EIF4ENIF1: variants seen among roughly 807,000 people sequenced by gnomAD.
EIF4ENIF1 encodes eukaryotic translation initiation factor 4E transporter.
A neutral mutation model predicts 110.5 loss-of-function variants in EIF4ENIF1; 23 were observed. The ratio of observed to expected loss-of-function variants is 0.21; its 90% CI spans 0.15 to 0.29. The LOEUF is 0.29. Among genes scored for constraint, EIF4ENIF1 ranks in the 10% least tolerant of loss-of-function variants. The pLI is 1.00. For synonymous variants in EIF4ENIF1, 440 were observed against 437.0 expected, an observed-to-expected ratio of 1.01 and a Z score of -0.09; for missense variants, 1,031 against 1,221.1, an observed-to-expected ratio of 0.84 and a Z score of 2.32.
In EIF4ENIF1 at chr22:31,441,613, G is replaced by A. The variant is rs1035355596; in HGVS notation, c.2551+161C>T. Among the ~76,000 whole-genome samples the A allele has an allele frequency of 2.0e-5, 3 of 151,454 alleles. No homozygotes were observed. In the East Asian group the frequency reaches 5.8e-4, roughly 29 times the overall value. On this transcript the variant is annotated intron_variant, in intron 17 of 18. Transcript: ENST00000330125. ...GGTTCCTAATCTTTTAAAGGACTAG[G>A]GGATTGACTGGATTGGGCCCACTGC...
chr22:31,448,978 T>C (rs2050563009), intron 12 of EIF4ENIF1, among the ~76,000 whole-genome samples: 1 of 152,194 alleles, frequency 6.6e-6, no homozygotes, highest in African/African-American at 2.4e-5. Context: ...GCAGCTGGTA[T>C]CTTCCACGTT....
chr22:31,484,005 G>C (rs1319476835), intron 2 of EIF4ENIF1, among the ~76,000 whole-genome samples: 2 of 152,092 alleles, frequency 1.3e-5, no homozygotes, highest in Non-Finnish European at 2.9e-5. Flanking sequence ...AATATTCTTC[G>C]AAGCACAATG....
intron 1 of EIF4ENIF1, 108 bp downstream of exon 1, chr22:31,489,586 G>A (rs1339136329): frequency 7.7e-5 from 10 of 130,082 alleles, no homozygotes; most frequent in Non-Finnish European, 1.1e-4. Flanking sequence ...CCCGGCGCCC[G>A]CGCTCACGCA....
At chr22:31,469,411 A>T (rs1432992666) in intron 3 of EIF4ENIF1, among the ~76,000 whole-genome samples, 1 of 152,246 alleles carries the variant, frequency 6.6e-6, no homozygotes, top group Non-Finnish European at 1.5e-5. Flanking sequence ...GAAGCCACGG[A>T]ATATTTTATA....
intron 4 of EIF4ENIF1, among the ~76,000 whole-genome samples, chr22:31,466,642 T>TGGC (rs2051199838): frequency 1.8e-5 from 1 of 55,568 alleles, no homozygotes; most frequent in Admixed American, 2.1e-4. Context: ...GGAAGTGTTG[T>TGGC]GGGGGGGGCA....
chr22:31,492,058 G>C (rs1472637691), upstream of EIF4ENIF1, among the ~76,000 whole-genome samples: 2 of 152,194 alleles, frequency 1.3e-5, no homozygotes, highest in Non-Finnish European at 1.5e-5. Context: ...GTACATGTCT[G>C]GTGGTTGATG....
intron 2 of EIF4ENIF1, among the ~76,000 whole-genome samples, chr22:31,483,681 T>A (rs908038958): frequency 6.6e-6 from 1 of 152,064 alleles, no homozygotes; most frequent in African/African-American, 2.4e-5. Context: ...CTAATGCTAG[T>A]TCAGGGAGCA....
rs776428702 is a variant in EIF4ENIF1, at chr22:31,444,715, T to G, written c.1989-25A>C. The G allele has an allele frequency of 3.1e-6, 5 of 1,609,800 alleles. No individual in the cohort carries two copies. The Admixed American group carries it at 6.7e-5, about 21-fold the overall frequency. ...CCTGTGAACAAACCAATTATCAGCA[T>G]GAACCCCAATCTGCTTAACTTCAAG... is the stretch of plus-strand genomic sequence containing the variant. On this transcript the variant is annotated intron_variant, in intron 14 of 18. Transcript: ENST00000330125.
chr22:31,456,253 T>C (rs1329821213), intron 7 of EIF4ENIF1, among the ~76,000 whole-genome samples: 2 of 148,144 alleles, frequency 1.4e-5, no homozygotes, highest in African/African-American at 5.0e-5. Flanking sequence ...AGACAGAGTC[T>C]CGCTCTGTCA....
intron 14 of EIF4ENIF1, 96 bp from the exon 15 acceptor site, chr22:31,444,786 TCC>T: frequency 8.8e-7 from 1 of 1,131,452 alleles, no homozygotes; most frequent in Admixed American, 1.8e-5. Flanking sequence ...AGTTTTAACA[TCC>T]CCTTTCCCTT....
chr22:31,442,195 T>A, intron 16 of EIF4ENIF1, 77 bp from the exon 17 acceptor site: 1 of 1,148,378 alleles, frequency 8.7e-7, no homozygotes, highest in Non-Finnish European at 1.3e-6. Context: ...CTAATAAATC[T>A]CATTTCTTAA....
chr22:31,447,093 A>T, intron 14 of EIF4ENIF1: 1 of 423,456 alleles, frequency 2.4e-6, no homozygotes, highest in East Asian at 7.3e-5. Context: ...AAGATTTTAA[A>T]ATATATTTAC....
At position 31,488,312 on chromosome 22, in the gene EIF4ENIF1, T is replaced by C. The variant is rs76982426; in HGVS notation, c.96+311A>G. On this transcript the variant is annotated intron_variant, in intron 2 of 18. Transcript: ENST00000330125. ...GGGCTTTAATCCTCACAGTACAGTA[T>C]GTAAATCAATAAACGTACCAATTAC... 2.3e-3 allele frequency among the ~76,000 whole-genome samples: 349 copies of C among 152,300 alleles called. 1 individual carries two copies. The highest frequency in any genetic ancestry group is 4.0e-3 in the Non-Finnish European group (269 of 68,024).
chr22:31,439,741 CA>C lies in EIF4ENIF1; in HGVS notation c.*138del. On this transcript the variant is annotated 3_prime_UTR_variant, in exon 19 of 19. Coordinates refer to ENST00000330125, the MANE Select transcript of EIF4ENIF1 (RefSeq NM_019843.4). The stretch of plus-strand genomic sequence containing the variant: ...GATCCTTCCATCATAATGCGGACCA[CA>C]CCAGATGCATGGGTTCCACCAAACA... The C allele has an allele frequency of 8.0e-7, 1 of 1,246,516 alleles. No individual in the cohort carries two copies. The highest frequency in any genetic ancestry group is 1.1e-6 in the Non-Finnish European group (1 of 915,980). 77.2% of individuals were successfully genotyped at this position (1,246,516 alleles called of 1,614,324 possible).
chr22:31,469,932 G>C (rs898266535), intron 3 of EIF4ENIF1, among the ~76,000 whole-genome samples: 1 of 152,050 alleles, frequency 6.6e-6, no homozygotes, highest in Non-Finnish European at 1.5e-5. Flanking sequence ...GGGAGGCTGA[G>C]GTGGGTGGAT....
intron 4 of EIF4ENIF1, among the ~76,000 whole-genome samples, chr22:31,465,485 C>T (rs149992405): frequency 3.2e-4 from 49 of 152,300 alleles, no homozygotes; most frequent in African/African-American, 6.7e-4. Context: ...TACTACTACA[C>T]GCCTATTACA....
chr22:31,452,257 C>A (rs1023806493), intron 10 of EIF4ENIF1, among the ~76,000 whole-genome samples: 2 of 152,176 alleles, frequency 1.3e-5, no homozygotes, highest in Admixed American at 6.5e-5. Flanking sequence ...AAAAAGTAAA[C>A]CATGACTTAA....
intron 4 of EIF4ENIF1, among the ~76,000 whole-genome samples, chr22:31,467,256 A>T (rs1176714557): frequency 2.6e-5 from 4 of 152,194 alleles, no homozygotes; most frequent in African/African-American, 9.6e-5. Flanking sequence ...GTGTACTGAC[A>T]GACTGTGTAG....
rs2051090426 is a variant in EIF4ENIF1, at chr22:31,464,036, T to C, written c.299-69A>G. On this transcript the variant is annotated intron_variant, in intron 4 of 18. Transcript: ENST00000330125. ...GTGTTTTCTTCTTTTTTAGATAGTA[T>C]GTCCATGACTGATGGGAGGAAGGGG... The C allele has an allele frequency of 6.6e-6, 10 of 1,516,874 alleles. No homozygotes were observed. In the South Asian group the frequency reaches 1.3e-4, roughly 20 times the overall value. The allele number at this position is 1,516,874 out of a possible 1,614,324, so 94.0% of individuals were successfully genotyped here.
Sources: gnomAD v4.1 joint callset for allele counts (sites outside exome capture counted in the v4.1 genomes callset) on GRCh38, gnomAD v4.1.1 for gene constraint, MANE v1.5 for transcripts, NCBI Gene and HGNC (gene_info 2026-07-23, HGNC 2026-07-21) for gene names.